The following PID1 variants were observed in gnomAD, a reference collection of about 807,000 sequenced individuals.
PID1 encodes the protein PTB-containing, cubilin and LRP1-interacting protein.
In PID1, 10 loss-of-function variants were observed where a neutral mutation model predicts 19.1. That is an observed-to-expected ratio of 0.52 (90% confidence interval 0.32 to 0.89). PID1 has a LOEUF of 0.89. PID1 is among the 40% of genes least tolerant of loss of function. PID1 has a pLI of 0.03. For missense variants in PID1, 248 were observed against 285.3 expected (o/e 0.87, Z 0.94); for synonymous variants, 130 against 116.0 (o/e 1.12, Z -0.78).
chr2:229,137,667 T>G (rs777234456), intron 2 of PID1, among the ~76,000 whole-genome samples: 6 of 152,212 alleles, frequency 3.9e-5, no homozygotes, highest in Non-Finnish European at 7.3e-5. Flanking sequence ...ACAATAAAGA[T>G]AAGCAGACTC....
At chr2:229,237,358 T>C (rs1222649166) in intron 1 of PID1, among the ~76,000 whole-genome samples, 1 of 152,176 alleles carries the variant, frequency 6.6e-6, no homozygotes. Flanking sequence ...CAAACAAATG[T>C]TATGTGAACA....
intron 1 of PID1, among the ~76,000 whole-genome samples, chr2:229,254,236 A>C (rs1435239465): frequency 3.9e-5 from 6 of 152,194 alleles, no homozygotes; most frequent in Admixed American, 2.6e-4. Flanking sequence ...AAGCAAAATC[A>C]GGGTATTGTT....
chr2:229,163,985 T>C (rs555286607), intron 1 of PID1, among the ~76,000 whole-genome samples: 5 of 152,162 alleles, frequency 3.3e-5, no homozygotes, highest in Non-Finnish European at 7.3e-5. Context: ...CTGAAATCTA[T>C]ATTTCCATGT....
At chr2:229,233,449 G>A (rs1487724835) in intron 1 of PID1, among the ~76,000 whole-genome samples, 1 of 151,440 alleles carries the variant, frequency 6.6e-6, no homozygotes, top group African/African-American at 2.4e-5. Flanking sequence ...AGAAATGAAG[G>A]GTCTTGAAAT....
chr2:229,125,546 C>G (rs1695605956), intron 2 of PID1, among the ~76,000 whole-genome samples: 1 of 152,122 alleles, frequency 6.6e-6, no homozygotes, highest in Admixed American at 6.6e-5. Context: ...CTGCTTGGAA[C>G]ATGACAAAAA....
intron 2 of PID1, among the ~76,000 whole-genome samples, chr2:229,094,652 T>C (rs997559824): frequency 2.0e-5 from 3 of 152,082 alleles, no homozygotes; most frequent in South Asian, 4.1e-4. Flanking sequence ...CCAATTGATC[T>C]TTGACAAAGC....
At position 229,131,711 on chromosome 2, in the gene PID1, C is replaced by T. The variant is rs548709536; in HGVS notation, c.177+24107G>A. Among the ~76,000 whole-genome samples the T allele has an allele frequency of 9.2e-5, 14 of 152,068 alleles. 1 individual carries two copies. In the South Asian group the frequency reaches 2.7e-3, roughly 29 times the overall value. ...TAGATACGAATTTCAGTAATTAATC[C>T]TATTTGTAAATTAAAAACCAAGATT... is the stretch of plus-strand genomic sequence containing the variant. On this transcript the variant is annotated intron_variant, in intron 2 of 2. Coordinates refer to ENST00000392055, the MANE Select transcript of PID1 (RefSeq NM_001100818.2).
chr2:229,117,684 T>A (rs1406144064), intron 2 of PID1, among the ~76,000 whole-genome samples: 1 of 152,126 alleles, frequency 6.6e-6, no homozygotes, highest in Non-Finnish European at 1.5e-5. Flanking sequence ...GCCCTTCCAC[T>A]TGCTCTCTCA....
At chr2:229,193,142 C>G (rs925907585) in intron 1 of PID1, among the ~76,000 whole-genome samples, 2 of 152,190 alleles carry the variant, frequency 1.3e-5, no homozygotes, top group African/African-American at 4.8e-5. Context: ...GATTCTTTCA[C>G]TGCACAAGGT....
chr2:229,098,633 T>C (rs564589346), intron 2 of PID1, among the ~76,000 whole-genome samples: 12 of 152,274 alleles, frequency 7.9e-5, no homozygotes, highest in African/African-American at 2.9e-4. Flanking sequence ...AAATATTTAA[T>C]ATGTGAGAGT....
intron 2 of PID1, among the ~76,000 whole-genome samples, chr2:229,026,917 C>T (rs1693436121): frequency 6.6e-6 from 1 of 152,130 alleles, no homozygotes; most frequent in African/African-American, 2.4e-5. Flanking sequence ...GATTTTCATC[C>T]TTTCATTGTT....
Position 229,182,099 on chromosome 2 carries a change from G to A in PID1, c.31-26135C>T, listed in dbSNP as rs374362156. 3.1e-4 allele frequency among the ~76,000 whole-genome samples: 47 copies of A among 152,280 alleles called. No homozygotes were observed. In the South Asian group the frequency reaches 5.6e-3, roughly 18 times the overall value. On this transcript the variant is annotated intron_variant, in intron 1 of 2. Transcript: ENST00000392055. ...GAACACAAAGGATTTTTAGGGCAAT[G>A]TAACTACTGAGTGTGATACAATAAT...
At chr2:229,212,816 G>A (rs12623151) in intron 1 of PID1, among the ~76,000 whole-genome samples, 77,646 of 151,716 alleles carry the variant, frequency 0.51, 20,432 homozygotes, top group African/African-American at 0.57. Context: ...GCAGGTAGAA[G>A]AGACAAAATC....
intron 2 of PID1, among the ~76,000 whole-genome samples, chr2:229,058,349 CTGTT>C (rs1467706336): frequency 6.6e-6 from 1 of 152,184 alleles, no homozygotes; most frequent in Non-Finnish European, 1.5e-5. Flanking sequence ...TGGTCTTCCT[CTGTT>C]TGTTTGTTTT....
chr2:229,041,932 T>C (rs1279244102), intron 2 of PID1, among the ~76,000 whole-genome samples: 1 of 152,188 alleles, frequency 6.6e-6, no homozygotes, highest in Non-Finnish European at 1.5e-5. Flanking sequence ...CCTGGATCAG[T>C]TCCCGGGCAC....
intron 1 of PID1, among the ~76,000 whole-genome samples, chr2:229,175,288 C>T (rs1053801862): frequency 1.3e-5 from 2 of 152,216 alleles, no homozygotes; most frequent in African/African-American, 2.4e-5. Context: ...ATTCTCATAC[C>T]ACAGTCTGAA....
At chr2:229,162,362 T>G (rs996988170) in intron 1 of PID1, among the ~76,000 whole-genome samples, 1 of 152,256 alleles carries the variant, frequency 6.6e-6, no homozygotes, top group African/African-American at 2.4e-5. Context: ...ACCTTTGTAT[T>G]GATTTTGTAT....
chr2:229,084,448 G>A lies in PID1; in HGVS notation c.178-58340C>T, dbSNP rs541073701. On this transcript the variant is annotated intron_variant, in intron 2 of 2. Transcript: ENST00000392055. ...GTAATGGTGTTGACAGCTCTGTTTC[G>A]CCTCCAGGTTAACCTAAAACGATTG... Among the ~76,000 whole-genome samples the A allele has an allele frequency of 1.1e-4, 17 of 152,170 alleles. No homozygotes were observed. The East Asian group carries it at 2.5e-3, about 22-fold the overall frequency.
chr2:229,199,952 T>C (rs1345449891), intron 1 of PID1, among the ~76,000 whole-genome samples: 2 of 151,966 alleles, frequency 1.3e-5, no homozygotes, highest in African/African-American at 4.8e-5. Flanking sequence ...CAGATACTTT[T>C]AATAATTTTA....
Sources: allele counts gnomAD v4.1 joint callset (sites outside exome capture counted in the v4.1 genomes callset), GRCh38; gene constraint gnomAD v4.1.1; transcripts MANE v1.5; gene names NCBI Gene and HGNC (gene_info 2026-07-23, HGNC 2026-07-21).